The following CRMP1 variants were observed in gnomAD, a reference collection of about 807,000 sequenced individuals.
CRMP1 encodes the protein collapsin response mediator protein 1, also known as dihydropyrimidinase-related protein 1.
CRMP1 carries 19 observed loss-of-function variants against 68.3 expected under a neutral mutation model. The ratio of observed to expected loss-of-function variants is 0.28; its 90% confidence interval spans 0.19 to 0.41. The LOEUF is 0.41. Among genes scored for constraint, CRMP1 ranks in the 10% least tolerant of loss-of-function variants. The probability of loss-of-function intolerance (pLI) is 1.00; values close to 1 mark genes in which losing one functional copy is unlikely to be tolerated. For synonymous variants in CRMP1, 439 were observed against 399.6 expected (o/e 1.10, Z -1.18); for missense variants, 791 against 967.4 (o/e 0.82, Z 2.42).
intron 1 of CRMP1, among the ~76,000 whole-genome samples, chr4:5,868,290 T>TATATATATATATATCTATATATAG (rs1205965019): frequency 1.3e-4 from 17 of 131,368 alleles, no homozygotes; most frequent in African/African-American, 4.6e-4. Flanking sequence ...TATATATATA[T>TATATATATATATATCTATATATAG]ATATATATAT....
rs1004426256 is a variant in CRMP1, at chr4:5,861,568, C to T, written c.471-358G>A. On this transcript the variant is annotated intron_variant, in intron 2 of 13. Transcript: ENST00000324989. This position sits in a 1 kb window ranked among gnomAD's most constrained non-coding sequence, Gnocchi z 6.0. Reference sequence around the variant, plus strand: ...GCATGTGCTGACCGTCATGTCTATTCTGATGTAACAGGTGCCTGAAAACTT... The same window carrying T: ...GCATGTGCTGACCGTCATGTCTATTTTGATGTAACAGGTGCCTGAAAACTT... 6.6e-6 allele frequency among the ~76,000 whole-genome samples: 1 copy of T among 152,208 alleles called. No individual in the cohort carries two copies. The highest frequency in any genetic ancestry group is 2.1e-4 in the South Asian group (1 of 4,826).
intron 2 of CRMP1, among the ~76,000 whole-genome samples, chr4:5,863,864 T>G (rs1233249292): frequency 6.6e-6 from 1 of 152,118 alleles, no homozygotes; most frequent in East Asian, 1.9e-4. Flanking sequence ...ACACCTACCC[T>G]TCTCAGCCTG....
In CRMP1 at chr4:5,866,648, G is replaced by A. The variant is rs764118140; in HGVS notation, c.470+20C>T. 2.5e-6 allele frequency: 4 copies of A among 1,593,372 alleles called. No individual in the cohort carries two copies. The highest frequency in any genetic ancestry group is 1.1e-5 in the South Asian group (1 of 89,254). On this transcript the variant is annotated intron_variant, in intron 2 of 13. Transcript: ENST00000324989. The surrounding 1 kb of genome is among the most constrained non-coding windows in gnomAD (Gnocchi z 5.9). ...CCTGGCGACACAGGTTTCTTAAAAG[G>A]TCCGTTTTGATCAACCCACTTGATA...
intron 11 of CRMP1, 89 bp downstream of exon 11, chr4:5,835,826 A>G: frequency 7.5e-7 from 1 of 1,327,060 alleles, no homozygotes; most frequent in African/African-American, 1.5e-5. Context: ...TCCTAGTTGG[A>G]AAATTCATAA....
rs546022736 is a variant in CRMP1, at chr4:5,821,942, A to G, written c.1970-91T>C. ...GGCCATGTACTCTGCCATGCACTCC[A>G]CTGGACCCACCTTCATTCAGGGCTC... On this transcript the variant is annotated intron_variant, in intron 13 of 13. Transcript: ENST00000324989. This position sits in a 1 kb window ranked among gnomAD's most constrained non-coding sequence, Gnocchi z 4.4. 5.1e-6 allele frequency: 6 copies of G among 1,173,958 alleles called. No homozygotes were observed. In the East Asian group the frequency reaches 1.3e-4, roughly 25 times the overall value. The allele number at this position is 1,173,958 out of a possible 1,614,324, so 72.7% of individuals were successfully genotyped here.
chr4:5,889,485 G>A lies in CRMP1; in HGVS notation c.381+3104C>T. The A allele has an allele frequency of 7.2e-7, 1 of 1,383,044 alleles. No homozygotes were observed. Among genetic ancestry groups the A allele is most frequent in the Non-Finnish European group, 9.9e-7 (1 of 1,013,840 alleles). The allele number at this position is 1,383,044 out of a possible 1,614,324, so 85.7% of individuals were successfully genotyped here. A position where few individuals can be genotyped will look rare whatever the true frequency, so the allele number is the denominator to read the frequency against. On this transcript the variant is annotated intron_variant, in intron 1 of 13. Transcript: ENST00000324989. This position sits in a 1 kb window ranked among gnomAD's most constrained non-coding sequence, Gnocchi z 4.5. Reference sequence around the variant, plus strand: ...TGTTGCTCCAGAGGGAGGTGGGCAGGAAGCCAGGTCACAGCTTGACAAGGT... The same window carrying A: ...TGTTGCTCCAGAGGGAGGTGGGCAGAAAGCCAGGTCACAGCTTGACAAGGT...
At chr4:5,863,459 C>T (rs1008412086) in intron 2 of CRMP1, among the ~76,000 whole-genome samples, 1 of 152,160 alleles carries the variant, frequency 6.6e-6, no homozygotes, top group African/African-American at 2.4e-5. Context: ...GCCCTGCTTC[C>T]CTTATATAGG....
rs116175733 is a variant in CRMP1 at position 5,879,761 on chromosome 4, C to G, written c.381+12828G>C. 0.02 allele frequency among the ~76,000 whole-genome samples: 3,015 copies of G among 152,064 alleles called. 58 individuals carry two copies. Among genetic ancestry groups the G allele is most frequent in the South Asian group, 0.047 (225 of 4,808 alleles). On this transcript the variant is annotated intron_variant, in intron 1 of 13. Coordinates refer to ENST00000324989, the MANE Select transcript of CRMP1 (RefSeq NM_001014809.3). The surrounding 1 kb of genome is among the most constrained non-coding windows in gnomAD (Gnocchi z 4.2). The stretch of plus-strand genomic sequence containing the variant: ...TCAGCTTCTCAGAGGAGTTGATGGC[C>G]TTAGGAAGCCTTTAAACTCGTTTAA...
chr4:5,873,042 T>G (rs1714567640), intron 1 of CRMP1, among the ~76,000 whole-genome samples: 1 of 152,230 alleles, frequency 6.6e-6, no homozygotes, highest in African/African-American at 2.4e-5. Context: ...TTGTTCATTC[T>G]CTGCCATTTT....
intron 12 of CRMP1, chr4:5,826,958 A>C (rs73079534): frequency 0.11 from 16,257 of 152,424 alleles, 1,798 homozygotes; most frequent in African/African-American, 0.28. Context: ...CCTGGGCCTC[A>C]CTGTATCCTG....
intron 1 of CRMP1, among the ~76,000 whole-genome samples, chr4:5,884,478 G>GCA (rs1249862118): frequency 1.2e-5 from 1 of 81,694 alleles, no homozygotes; most frequent in Non-Finnish European, 2.8e-5. Flanking sequence ...ACACAACTAT[G>GCA]CATGCACACA....
At chr4:5,851,386 A>ACTCCT (rs753529769) in intron 5 of CRMP1, 22 bp downstream of exon 5, 177 of 1,610,412 alleles carry the variant, frequency 1.1e-4, no homozygotes, top group Non-Finnish European at 1.3e-4. Context: ...AAGAGAGGAG[A>ACTCCT]GAGTGAGTGT....
chr4:5,838,000 T>C (rs12646767), intron 9 of CRMP1, among the ~76,000 whole-genome samples: 85,635 of 151,882 alleles, frequency 0.56, 26,418 homozygotes, highest in African/African-American at 0.83. Flanking sequence ...TGGGCGCTGT[T>C]AGAGTGAGTG....
intron 13 of CRMP1, among the ~76,000 whole-genome samples, chr4:5,822,914 C>T (rs965689489): frequency 2.6e-5 from 4 of 152,230 alleles, no homozygotes; most frequent in African/African-American, 9.6e-5. Flanking sequence ...CAAGCACCAT[C>T]CTATAAAATC....
At chr4:5,871,760 A>T (rs1188575930) in intron 1 of CRMP1, among the ~76,000 whole-genome samples, 1 of 152,206 alleles carries the variant, frequency 6.6e-6, no homozygotes, top group Admixed American at 6.5e-5. Flanking sequence ...CTCTGCTGAT[A>T]TTTGATACGA....
At chr4:5,836,688 A>G (rs1720749955) in intron 10 of CRMP1, 77 bp downstream of exon 10, 11 of 1,605,850 alleles carry the variant, frequency 6.8e-6, no homozygotes, top group Non-Finnish European at 9.4e-6. Flanking sequence ...TTAAGAACCC[A>G]GCGTGCATAA....
rs1208582343 is a variant in CRMP1 at position 5,877,426 on chromosome 4, C to T, written c.382-10670G>A. ...CCCTACCTTGAATAACCAGAGCCTT[C>T]CCCTTGAGCAAGCTCCCCACTCTGG... is the stretch of plus-strand genomic sequence containing the variant. On this transcript the variant is annotated intron_variant, in intron 1 of 13. Coordinates refer to ENST00000324989, the MANE Select transcript of CRMP1 (RefSeq NM_001014809.3). The surrounding 1 kb of genome is among the most constrained non-coding windows in gnomAD (Gnocchi z 4.3). Among the ~76,000 whole-genome samples, 1 of 152,212 alleles carries T rather than the reference C, an allele frequency of 6.6e-6. No homozygotes were observed. The highest frequency in any genetic ancestry group is 1.9e-4 in the East Asian group (1 of 5,188).
At chr4:5,828,784 T>A (rs1001134496) in intron 11 of CRMP1, 116 bp from the exon 12 acceptor site, 13 of 1,218,682 alleles carry the variant, frequency 1.1e-5, no homozygotes, top group Non-Finnish European at 1.5e-5. Flanking sequence ...TTTTTTTTTC[T>A]CTCTAAAAAT....
intron 11 of CRMP1, among the ~76,000 whole-genome samples, chr4:5,831,550 G>A (rs767952106): frequency 2.0e-5 from 3 of 152,202 alleles, no homozygotes; most frequent in South Asian, 2.1e-4. Flanking sequence ...TAACTGTGCC[G>A]AGGGACACAT....
Sources: allele counts gnomAD v4.1 joint callset (sites outside exome capture counted in the v4.1 genomes callset), GRCh38; gene constraint gnomAD v4.1.1; non-coding constraint Gnocchi (gnomAD v3.1); transcripts MANE v1.5; gene names NCBI Gene and HGNC (gene_info 2026-07-23, HGNC 2026-07-21).